TEX11: variants seen among roughly 807,000 people sequenced by gnomAD.
TEX11 encodes the protein testis-expressed protein 11.
Under a neutral mutation model 84.4 loss-of-function variants are expected in TEX11, and 7 were observed. The observed-to-expected ratio is 0.08, with a 90% CI of 0.05 to 0.16. The LOEUF (loss-of-function observed/expected upper bound fraction) is 0.16. Ranked by LOEUF, TEX11 falls within the 10% of genes least tolerant of loss-of-function variation. TEX11 has a pLI of 1.00. For missense variants in TEX11, 551 were observed against 660.5 expected, an observed-to-expected ratio of 0.83 and a Z score of 1.82; for synonymous variants, 264 against 222.8, an observed-to-expected ratio of 1.18 and a Z score of -1.64.
intron 2 of TEX11, among the ~76,000 whole-genome samples, chrX:70,902,343 T>C (rs1234949923): frequency 9.0e-6 from 1 of 111,423 alleles, no homozygotes; most frequent in African/African-American, 3.3e-5. Context: ...TGGAAGTTGC[T>C]CTGGGTGAGT....
intron 9 of TEX11, among the ~76,000 whole-genome samples, chrX:70,748,771 T>C (rs2090788290): frequency 1.0e-5 from 1 of 95,424 alleles, no homozygotes; most frequent in Non-Finnish European, 2.1e-5. Flanking sequence ...TTCTGTTCCA[T>C]TGATCTATAT....
intron 11 of TEX11, among the ~76,000 whole-genome samples, chrX:70,730,183 G>A (rs757247804): frequency 5.3e-4 from 59 of 111,689 alleles, no homozygotes; most frequent in East Asian, 2.5e-3. Context: ...AGGAACAACC[G>A]GTACAAGACA....
At chrX:70,728,634 C>T (rs1006409573) in intron 11 of TEX11, among the ~76,000 whole-genome samples, 10 of 110,803 alleles carry the variant, frequency 9.0e-5, no homozygotes, top group African/African-American at 2.0e-4. Flanking sequence ...CCACCATTGC[C>T]GAGGCCTGAG....
chrX:70,889,536 A>T (rs1161031172), intron 2 of TEX11, among the ~76,000 whole-genome samples: 2 of 112,095 alleles, frequency 1.8e-5, no homozygotes, highest in Non-Finnish European at 3.8e-5. Flanking sequence ...AACTACTCTA[A>T]GTAGAATGAA....
chrX:70,527,463 T>C (rs2087833727), downstream of TEX11, among the ~76,000 whole-genome samples: 1 of 111,838 alleles, frequency 8.9e-6, no homozygotes, highest in South Asian at 3.7e-4. Flanking sequence ...TTGAGGTGCA[T>C]GGTACAAAGT....
chrX:70,836,109 CAAA>C (rs35496948), intron 7 of TEX11, among the ~76,000 whole-genome samples: 183 of 74,008 alleles, frequency 2.5e-3, no homozygotes, highest in African/African-American at 8.2e-3. Context: ...GACTCTGTCT[CAAA>C]AAAAAAAAAA....
At position 70,743,427 on chromosome X, in the gene TEX11, A is replaced by T. The variant is rs186098003; in HGVS notation, c.747+738T>A. 5.3e-5 allele frequency among the ~76,000 whole-genome samples: 6 copies of T among 112,310 alleles called. No individual in the cohort carries two copies. In the East Asian group the frequency reaches 1.7e-3, roughly 31 times the overall value. ...TAAGAATCAAATGGATATTCAAAAG[A>T]TTCCATTTTGCTATAGAATGTAGTA... On this transcript the variant is annotated intron_variant, in intron 10 of 29. Transcript: ENST00000374333.
At chrX:70,629,508 A>G in intron 18 of TEX11, 103 bp downstream of exon 18, 1 of 965,893 alleles carries the variant, frequency 1.0e-6, no homozygotes. Context: ...AGGCAAAACA[A>G]ACAGTAAAGG....
intron 9 of TEX11, among the ~76,000 whole-genome samples, chrX:70,745,712 C>T (rs1387973457): frequency 3.6e-5 from 4 of 111,704 alleles, no homozygotes; most frequent in African/African-American, 6.5e-5. Context: ...CCAGCCTGGG[C>T]GACAGAGTGA....
intron 17 of TEX11, among the ~76,000 whole-genome samples, chrX:70,640,259 T>C (rs1427518712): frequency 9.3e-6 from 1 of 107,295 alleles, no homozygotes; most frequent in African/African-American, 3.4e-5. Flanking sequence ...CCAAGAAATA[T>C]GGGACTATGT....
intron 11 of TEX11, 58 bp from the exon 12 acceptor site, chrX:70,725,401 T>C (rs2090592138): frequency 1.2e-6 from 1 of 834,711 alleles, no homozygotes; most frequent in African/African-American, 2.0e-5. Flanking sequence ...AAAGACAATT[T>C]TCAAGTAATT....
intron 9 of TEX11, among the ~76,000 whole-genome samples, chrX:70,750,933 A>AAAAAAATATAT (rs1390175136): frequency 3.5e-5 from 1 of 28,198 alleles, no homozygotes; most frequent in African/African-American, 1.2e-4. Context: ...AAAAAAAAAA[A>AAAAAAATATAT]ATATATATAT....
At chrX:70,739,916 T>C (rs934326956) in intron 11 of TEX11, among the ~76,000 whole-genome samples, 1 of 111,887 alleles carries the variant, frequency 8.9e-6, no homozygotes, top group East Asian at 2.8e-4. Context: ...ATTGGCCTCC[T>C]GAGCAACTGG....
intron 9 of TEX11, among the ~76,000 whole-genome samples, chrX:70,758,672 A>T (rs1355815222): frequency 8.9e-6 from 1 of 112,314 alleles, no homozygotes; most frequent in Non-Finnish European, 1.9e-5. Context: ...AGCAAGAAAG[A>T]TCTAAAATTG....
At chrX:70,692,644 T>C (rs910170843) in intron 13 of TEX11, among the ~76,000 whole-genome samples, 1 of 110,073 alleles carries the variant, frequency 9.1e-6, no homozygotes, top group African/African-American at 3.3e-5. Flanking sequence ...CATATATATG[T>C]ATCTGTATAC....
chrX:70,795,322 A>T (rs747496107), intron 9 of TEX11, among the ~76,000 whole-genome samples: 11 of 110,585 alleles, frequency 9.9e-5, no homozygotes, highest in Admixed American at 2.9e-4. Context: ...AGTAAAAAGG[A>T]GCACCAGGTA....
At chrX:70,667,649 C>G (rs755374448) in intron 16 of TEX11, among the ~76,000 whole-genome samples, 2 of 111,854 alleles carry the variant, frequency 1.8e-5, no homozygotes, top group Non-Finnish European at 3.8e-5. Flanking sequence ...AACAGTAGGC[C>G]GGGCGCGGTG....
At chrX:70,799,338 G>A (rs1167034059) in intron 9 of TEX11, among the ~76,000 whole-genome samples, 2 of 111,686 alleles carry the variant, frequency 1.8e-5, no homozygotes, top group Non-Finnish European at 3.8e-5. Context: ...TGTCTGTAAG[G>A]TGGATGCCTA....
intron 7 of TEX11, among the ~76,000 whole-genome samples, chrX:70,847,217 C>A (rs1382727016): frequency 1.8e-5 from 2 of 111,651 alleles, no homozygotes; most frequent in African/African-American, 6.5e-5. Flanking sequence ...CAGATGCTGG[C>A]ATATGCTTCT....
Sources: gnomAD v4.1 joint callset for allele counts (sites outside exome capture counted in the v4.1 genomes callset) on GRCh38, gnomAD v4.1.1 for gene constraint, MANE v1.5 for transcripts, NCBI Gene and HGNC (gene_info 2026-07-23, HGNC 2026-07-21) for gene names.